The following PLCZ1 variants were observed in gnomAD, a reference collection of about 807,000 sequenced individuals.
The protein encoded by PLCZ1 is phospholipase C zeta 1, also known as 1-phosphatidylinositol 4,5-bisphosphate phosphodiesterase zeta-1.
Under a neutral mutation model 76.8 loss-of-function variants are expected in PLCZ1, and 64 were observed. The observed-to-expected ratio is 0.83, with a 90% confidence interval of 0.68 to 1.03. The LOEUF (loss-of-function observed/expected upper bound fraction) is 1.03, where lower values mean the gene tolerates loss of function less well. Among genes scored for constraint, PLCZ1 ranks in the 50% least tolerant of loss-of-function variants. The pLI is 0.00. For missense variants in PLCZ1, 751 were observed against 713.7 expected, an observed-to-expected ratio of 1.05 and a Z score of -0.60; for synonymous variants, 248 against 230.8, an observed-to-expected ratio of 1.07 and a Z score of -0.68.
At chr12:18,716,232 G>A (rs997535729) in intron 5 of PLCZ1, among the ~76,000 whole-genome samples, 1 of 151,726 alleles carries the variant, frequency 6.6e-6, no homozygotes, top group Non-Finnish European at 1.5e-5. Context: ...ACAATCTTGA[G>A]CTTTTTACTT....
the PLCZ1 span, among the ~76,000 whole-genome samples, chr12:18,661,590 C>T: frequency 5.3e-3 from 806 of 152,174 alleles, 4 homozygotes; most frequent in African/African-American, 0.018. Flanking sequence ...ACCAAAACCA[C>T]GATGAGAGAC....
the PLCZ1 span, chr12:18,647,928 T>A: frequency 1.3e-6 from 2 of 1,597,842 alleles, no homozygotes; most frequent in Non-Finnish European, 1.7e-6. Context: ...ATGCTTATTG[T>A]GAAGAGTAAA....
intron 1 of PLCZ1, 44 bp from the exon 2 acceptor site, chr12:18,737,553 G>T (rs549280132): frequency 9.9e-5 from 77 of 777,176 alleles, no homozygotes; most frequent in Middle Eastern, 6.8e-4. Flanking sequence ...TTTTGCCTTC[G>T]TTCTTTGAAG....
intron 9 of PLCZ1, 35 bp from the exon 10 acceptor site, chr12:18,699,985 G>A (rs564432775): frequency 6.3e-7 from 1 of 1,579,586 alleles, no homozygotes; most frequent in African/African-American, 1.3e-5. Flanking sequence ...ACATTTTTAT[G>A]CTAATCATTG....
chr12:18,712,719 G>T, intron 6 of PLCZ1, 123 bp downstream of exon 6: 1 of 1,228,120 alleles, frequency 8.1e-7, no homozygotes, highest in Non-Finnish European at 1.2e-6. Context: ...GCCTACTAAT[G>T]GATCATAACC....
At chr12:18,729,939 GTGTA>G (rs1361985042) in intron 3 of PLCZ1, among the ~76,000 whole-genome samples, 1 of 152,084 alleles carries the variant, frequency 6.6e-6, no homozygotes, top group Non-Finnish European at 1.5e-5. Flanking sequence ...TAATTCAATT[GTGTA>G]TACTTAACTG....
At chr12:18,702,044 T>A (rs1474643328) in intron 7 of PLCZ1, among the ~76,000 whole-genome samples, 1 of 152,174 alleles carries the variant, frequency 6.6e-6, no homozygotes, top group East Asian at 1.9e-4. Flanking sequence ...AAGTTGGTAC[T>A]ATTCCAACAA....
At chr12:18,736,150 A>T in intron 3 of PLCZ1, 71 bp downstream of exon 3, 8 of 1,537,848 alleles carry the variant, frequency 5.2e-6, no homozygotes, top group Middle Eastern at 1.7e-4. Flanking sequence ...ACTAACCTTT[A>T]TATGACAATT....
chr12:18,708,962 C>T (rs1445318145), intron 6 of PLCZ1, among the ~76,000 whole-genome samples: 1 of 151,928 alleles, frequency 6.6e-6, no homozygotes, highest in Non-Finnish European at 1.5e-5. Context: ...TCATAGGCTG[C>T]CCTTTGATTT....
the PLCZ1 span, among the ~76,000 whole-genome samples, chr12:18,654,688 T>C: frequency 1.3e-5 from 2 of 152,192 alleles, no homozygotes; most frequent in Non-Finnish European, 2.9e-5. Context: ...ATGATTCCAG[T>C]TGAGTACTTG....
At chr12:18,650,683 T>TGC in the PLCZ1 span, among the ~76,000 whole-genome samples, 1 of 45,360 alleles carries the variant, frequency 2.2e-5, no homozygotes, top group South Asian at 9.5e-4. Context: ...TGTGTGTGTG[T>TGC]GTGTGTGTGT....
At position 18,719,518 on chromosome 12, in the gene PLCZ1, A is replaced by C. The variant is rs1472394132; in HGVS notation, c.482T>G (p.Leu161Ter). 1.3e-6 allele frequency: 2 copies of C among 1,586,144 alleles called. No homozygotes were observed. The highest frequency in any genetic ancestry group is 1.7e-5 in the Admixed American group (1 of 58,386). ...RKVYQDMTHP[L>*]NDYFISSSHN... ...TGAAGATGAAATAAAATAATCATTT[A>C]ATGGATGAGTCATATCTTGATAAAC... is the stretch of plus-strand genomic sequence containing the variant. The change falls in exon 5 of 15, where the codon TTA becomes TGA. Residue 161 changes from leucine (L) to a stop codon, truncating the protein, a stop_gained. Transcript: ENST00000266505. LOFTEE classifies it high-confidence loss of function.
chr12:18,688,287 T>C, intron 12 of PLCZ1, 69 bp from the exon 13 acceptor site: 1 of 1,494,626 alleles, frequency 6.7e-7, no homozygotes, highest in South Asian at 1.2e-5. Context: ...ATTTCAAAAT[T>C]AAGTTATGTA....
chr12:18,693,027 C>T (rs1355142375), intron 12 of PLCZ1: 1 of 1,436,836 alleles, frequency 7.0e-7, no homozygotes, highest in East Asian at 2.3e-5. Flanking sequence ...AAATCAGGAA[C>T]AAATGAAACC....
At chr12:18,666,384 TG>T in the PLCZ1 span, among the ~76,000 whole-genome samples, 1 of 151,964 alleles carries the variant, frequency 6.6e-6, no homozygotes, top group South Asian at 2.1e-4. Flanking sequence ...ATGTTGAAAA[TG>T]GAAAAATACA....
intron 12 of PLCZ1, chr12:18,693,102 G>A: frequency 3.9e-6 from 6 of 1,526,666 alleles, no homozygotes; most frequent in Non-Finnish European, 5.4e-6. Context: ...CCCAATGTCA[G>A]TAGGAATCTT....
intron 3 of PLCZ1, among the ~76,000 whole-genome samples, chr12:18,734,964 A>C (rs918176253): frequency 4.6e-5 from 7 of 152,322 alleles, no homozygotes; most frequent in African/African-American, 1.4e-4. Context: ...GTTATCATGA[A>C]AGGGAGTTAA....
the PLCZ1 span, among the ~76,000 whole-genome samples, chr12:18,651,246 T>C: frequency 6.6e-6 from 1 of 151,948 alleles, no homozygotes; most frequent in Non-Finnish European, 1.5e-5. Context: ...GTGCCCTGTA[T>C]CCATTTGCCT....
intron 1 of PLCZ1, 35 bp from the exon 2 acceptor site, chr12:18,737,544 T>C (rs1959512485): frequency 4.5e-6 from 4 of 885,142 alleles, no homozygotes; most frequent in Middle Eastern, 4.3e-4. Context: ...AGTGGTTTTT[T>C]TTGCCTTCGT....
Sources: gnomAD v4.1 joint callset for allele counts (sites outside exome capture counted in the v4.1 genomes callset) on GRCh38, gnomAD v4.1.1 for gene constraint, MANE v1.5 for transcripts, NCBI Gene and HGNC (gene_info 2026-07-23, HGNC 2026-07-21) for gene names.